Variants in GOLGA4 observed in about 807,000 individuals in gnomAD.
The protein encoded by GOLGA4 is golgin A4.
A neutral mutation model predicts 265.9 loss-of-function variants in GOLGA4; 169 were observed. The observed-to-expected ratio is 0.64, with a 90% CI of 0.56 to 0.72. The LOEUF is 0.72. Among genes scored for constraint, GOLGA4 ranks in the 30% least tolerant of loss-of-function variants. GOLGA4 has a pLI of 0.00. For synonymous variants in GOLGA4, 923 were observed against 855.8 expected (o/e 1.08, Z -1.37); for missense variants, 2,482 against 2,483.4 (o/e 1.00, Z 0.01).
chr3:37,273,169 C>T (rs1326907137), intron 2 of GOLGA4, among the ~76,000 whole-genome samples: 2 of 152,084 alleles, frequency 1.3e-5, no homozygotes, highest in African/African-American at 2.4e-5. Flanking sequence ...GAAATTACTT[C>T]CTTTTCTGGA....
intron 23 of GOLGA4, among the ~76,000 whole-genome samples, chr3:37,365,240 A>G (rs1461746242): frequency 6.6e-6 from 1 of 152,052 alleles, no homozygotes; most frequent in Admixed American, 6.6e-5. Context: ...AGCACACTGG[A>G]TAAGAGGAAA....
intron 5 of GOLGA4, among the ~76,000 whole-genome samples, chr3:37,294,128 C>CA (rs1388676794): frequency 6.6e-6 from 1 of 151,958 alleles, no homozygotes; most frequent in Non-Finnish European, 1.5e-5. Context: ...TGCAGAGAGA[C>CA]AAAAATCAAT....
At chr3:37,262,529 G>GA (rs138347781) in intron 2 of GOLGA4, among the ~76,000 whole-genome samples, 30,473 of 150,732 alleles carry the variant, frequency 0.2, 3,871 homozygotes, top group Non-Finnish European at 0.29. Context: ...TCCTGGAAAT[G>GA]AAAAAAAAAT....
chr3:37,284,453 C>T (rs901700899), intron 3 of GOLGA4, among the ~76,000 whole-genome samples: 20 of 152,004 alleles, frequency 1.3e-4, no homozygotes, highest in Admixed American at 4.6e-4. Flanking sequence ...AGGGTTTCAC[C>T]ATGTTGGCCA....
chr3:37,342,714 A>C (rs918594920), intron 20 of GOLGA4, among the ~76,000 whole-genome samples: 4 of 152,152 alleles, frequency 2.6e-5, no homozygotes, highest in African/African-American at 9.7e-5. Flanking sequence ...TTCCTAGGAC[A>C]TGTGGAAATT....
intron 22 of GOLGA4, among the ~76,000 whole-genome samples, chr3:37,355,504 A>C (rs552548543): frequency 1.3e-5 from 2 of 152,238 alleles, no homozygotes; most frequent in Non-Finnish European, 2.9e-5. Context: ...TGGTATATCC[A>C]GTAATAATTT....
At chr3:37,283,957 A>T (rs749216814) in intron 3 of GOLGA4, among the ~76,000 whole-genome samples, 1 of 152,182 alleles carries the variant, frequency 6.6e-6, no homozygotes, top group African/African-American at 2.4e-5. Context: ...TAACTTGCTT[A>T]TGGTTGGACA....
chr3:37,364,591 G>A (rs1287438815), intron 23 of GOLGA4, among the ~76,000 whole-genome samples: 1 of 146,740 alleles, frequency 6.8e-6, no homozygotes, highest in Non-Finnish European at 1.5e-5. Context: ...CTATGTCATA[G>A]CTTTTTTTTT....
chr3:37,328,274 T>TCTCACA, intron 14 of GOLGA4, 142 bp from the exon 15 acceptor site: 2 of 688,484 alleles, frequency 2.9e-6, no homozygotes, highest in South Asian at 3.7e-5. Context: ...ACACACTCAC[T>TCTCACA]CTCACACTCT....
chr3:37,355,530 A>G (rs1025784206), intron 22 of GOLGA4, among the ~76,000 whole-genome samples: 1 of 152,136 alleles, frequency 6.6e-6, no homozygotes, highest in East Asian at 1.9e-4. Context: ...ACCAAATTAT[A>G]TCATCATGTT....
At chr3:37,301,883 G>T (rs1401480837) in intron 9 of GOLGA4, among the ~76,000 whole-genome samples, 1 of 152,038 alleles carries the variant, frequency 6.6e-6, no homozygotes, top group Non-Finnish European at 1.5e-5. Context: ...CTGCCCCCTG[G>T]GTTCAAGCAA....
In GOLGA4 at chr3:37,289,220, C is replaced by G; in HGVS notation, c.526-15C>G. The G allele has an allele frequency of 1.3e-6, 2 of 1,494,636 alleles. No homozygotes were observed. Among genetic ancestry groups the G allele is most frequent in the Non-Finnish European group, 1.8e-6 (2 of 1,091,742 alleles). 92.6% of individuals were successfully genotyped at this position (1,494,636 alleles called of 1,614,324 possible). ...TTAGCTGTTTAACCAGCTTTTTTTT[C>G]TCTCTCAATTAAAGGGTATATTAAG... On this transcript the variant is annotated splice_polypyrimidine_tract_variant and intron_variant, in intron 4 of 23. Coordinates refer to ENST00000361924, the MANE Select transcript of GOLGA4 (RefSeq NM_002078.5).
chr3:37,331,151 C>T (rs1055864796), intron 16 of GOLGA4, among the ~76,000 whole-genome samples: 2 of 151,670 alleles, frequency 1.3e-5, no homozygotes, highest in African/African-American at 4.8e-5. Flanking sequence ...ATATATGCTA[C>T]CAATGCGATA....
At chr3:37,348,153 A>G (rs557997057) in intron 21 of GOLGA4, among the ~76,000 whole-genome samples, 27 of 152,260 alleles carry the variant, frequency 1.8e-4, no homozygotes, top group Middle Eastern at 6.8e-3. Context: ...AGGTTCAAGC[A>G]CTGATTTGGC....
At chr3:37,278,319 C>T (rs1015540126) in intron 2 of GOLGA4, among the ~76,000 whole-genome samples, 5 of 151,878 alleles carry the variant, frequency 3.3e-5, no homozygotes, top group African/African-American at 9.7e-5. Context: ...CATGCCTCAG[C>T]CTCCTGAGTA....
chr3:37,261,607 G>A (rs75282287), intron 2 of GOLGA4, among the ~76,000 whole-genome samples: 3,975 of 152,150 alleles, frequency 0.026, 154 homozygotes, highest in African/African-American at 0.09. Flanking sequence ...ACAGGCATTT[G>A]GATTTAATTT....
At chr3:37,274,117 G>GATA (rs1168561737) in intron 2 of GOLGA4, among the ~76,000 whole-genome samples, 1 of 129,762 alleles carries the variant, frequency 7.7e-6, no homozygotes, top group African/African-American at 2.8e-5. Context: ...AAAAAAAAAA[G>GATA]ATAATAATAA....
chr3:37,351,280 C>T (rs1474256859), intron 21 of GOLGA4, among the ~76,000 whole-genome samples: 3 of 152,132 alleles, frequency 2.0e-5, no homozygotes, highest in Non-Finnish European at 2.9e-5. Context: ...CATGAGATTG[C>T]AGCAATCCAG....
Position 37,337,667 on chromosome 3 carries a change from C to A in GOLGA4, c.6329C>A (p.Thr2110Lys). 1 of 1,606,514 alleles carries A rather than the reference C, an allele frequency of 6.2e-7. No homozygotes were observed. Among genetic ancestry groups the A allele is most frequent in the Non-Finnish European group, 8.5e-7 (1 of 1,173,138 alleles). The change falls in exon 19 of 24, where the codon ACA becomes AAA. Residue 2110 changes from threonine (T) to lysine (K), a missense_variant and splice_region_variant. Physicochemically the swap from Thr to Lys is moderately conservative, Grantham distance 78. Transcript: ENST00000361924. ...NDNVTIMELQ[T>K]QLAQKTTLIS... ...AGATCTGACTTTTTGTTCTTTCAGA[C>A]ACAGCTAGCACAGAAGACGACTTTA...
Sources: gnomAD v4.1 joint callset for allele counts (sites outside exome capture counted in the v4.1 genomes callset) on GRCh38, gnomAD v4.1.1 for gene constraint, MANE v1.5 for transcripts, NCBI Gene and HGNC (gene_info 2026-07-23, HGNC 2026-07-21) for gene names.